Variants in LRRC7 observed in about 807,000 individuals in gnomAD.
LRRC7 encodes the protein leucine-rich repeat-containing protein 7.
A neutral mutation model predicts 175.7 loss-of-function variants in LRRC7; 23 were observed. The ratio of observed to expected loss-of-function variants is 0.13; its 90% CI spans 0.09 to 0.19. LRRC7 has a LOEUF of 0.19. Ranked by LOEUF, LRRC7 falls within the 10% of genes least tolerant of loss-of-function variation. LRRC7 has a pLI of 1.00. For synonymous variants in LRRC7, 685 were observed against 680.9 expected (o/e 1.01, Z -0.09); for missense variants, 1,354 against 1,904.7 (o/e 0.71, Z 5.38).
At chr1:69,723,018 T>A (rs935607806) in intron 2 of LRRC7, among the ~76,000 whole-genome samples, 3 of 152,136 alleles carry the variant, frequency 2.0e-5, no homozygotes, top group Admixed American at 2.0e-4. Context: ...CCATCATTTT[T>A]AAAGGTATAT....
chr1:69,774,573 T>C (rs1470089521), intron 3 of LRRC7, among the ~76,000 whole-genome samples: 1 of 152,230 alleles, frequency 6.6e-6, no homozygotes, highest in Non-Finnish European at 1.5e-5. Flanking sequence ...GTGATTTATA[T>C]GTTAATTTGC....
intron 26 of LRRC7, among the ~76,000 whole-genome samples, chr1:70,109,022 G>T (rs74585857): frequency 1.7e-5 from 2 of 116,338 alleles, no homozygotes; most frequent in East Asian, 2.6e-4. Context: ...TTTTGTTTTT[G>T]TTTTTGTTTT....
chr1:69,996,230 G>A (rs993499505), intron 11 of LRRC7, among the ~76,000 whole-genome samples: 25 of 151,946 alleles, frequency 1.6e-4, no homozygotes, highest in African/African-American at 2.2e-4. Context: ...CATGTCCTTC[G>A]CCCACTTTTT....
intron 1 of LRRC7, among the ~76,000 whole-genome samples, chr1:69,657,183 C>A (rs1656726189): frequency 6.6e-6 from 1 of 151,600 alleles, no homozygotes; most frequent in Non-Finnish European, 1.5e-5. Context: ...TTCTCACCAG[C>A]ATTTCTATGT....
chr1:70,116,970 T>G (rs1405694098), intron 26 of LRRC7, among the ~76,000 whole-genome samples: 1 of 152,206 alleles, frequency 6.6e-6, no homozygotes, highest in Admixed American at 6.5e-5. Context: ...AGGCACTAAT[T>G]TGGTCACTGC....
Position 70,016,090 on chromosome 1 carries a change from G to A in LRRC7, c.1251-375G>A, listed in dbSNP as rs114912021. ...ATTTAAGCTAAGAGTGAATAGATAC[G>A]TGGGATTCAGTAAAGTGAAGTAAGG... On this transcript the variant is annotated intron_variant, in intron 13 of 26. Coordinates refer to ENST00000651989, the MANE Select transcript of LRRC7 (RefSeq NM_001370785.2). 6.5e-3 allele frequency among the ~76,000 whole-genome samples: 993 copies of A among 152,226 alleles called. 9 individuals are homozygous for A. The highest frequency in any genetic ancestry group is 0.022 in the African/African-American group (914 of 41,552).
At chr1:69,726,421 C>T (rs1666982202) in intron 2 of LRRC7, among the ~76,000 whole-genome samples, 1 of 152,016 alleles carries the variant, frequency 6.6e-6, no homozygotes, top group South Asian at 2.1e-4. Flanking sequence ...GGAACAATGA[C>T]AATAGTTGTA....
At chr1:69,984,445 C>G (rs1653744581) in intron 9 of LRRC7, among the ~76,000 whole-genome samples, 1 of 152,110 alleles carries the variant, frequency 6.6e-6, no homozygotes, top group South Asian at 2.1e-4. Context: ...AAAGTATGCA[C>G]AGGTAGACCA....
At chr1:69,796,210 C>T (rs756596483) in intron 4 of LRRC7, among the ~76,000 whole-genome samples, 11 of 144,482 alleles carry the variant, frequency 7.6e-5, no homozygotes, top group Non-Finnish European at 1.5e-4. Context: ...TGAGTGAGAA[C>T]ATGTAGTGTT....
chr1:69,958,070 A>G (rs1650682793), intron 8 of LRRC7, among the ~76,000 whole-genome samples: 2 of 151,992 alleles, frequency 1.3e-5, no homozygotes, highest in African/African-American at 2.4e-5. Context: ...TATGTTAATG[A>G]ACACCTATAT....
chr1:69,940,566 G>A (rs2101797593), intron 8 of LRRC7, among the ~76,000 whole-genome samples: 2 of 152,132 alleles, frequency 1.3e-5, no homozygotes, highest in South Asian at 4.1e-4. Context: ...TGGAACCAGA[G>A]TAAAGCATAT....
At chr1:69,641,212 A>AT (rs1654154274) in intron 1 of LRRC7, among the ~76,000 whole-genome samples, 1 of 151,782 alleles carries the variant, frequency 6.6e-6, no homozygotes, top group Non-Finnish European at 1.5e-5. Context: ...CAATGCATAT[A>AT]TTTATTCCAC....
chr1:70,108,105 T>TTA (rs1007414688), intron 26 of LRRC7, among the ~76,000 whole-genome samples: 79 of 148,884 alleles, frequency 5.3e-4, no homozygotes, highest in South Asian at 5.2e-3. Flanking sequence ...AATATATATA[T>TTA]TATATATATA....
chr1:69,664,647 C>T (rs1433509930), intron 1 of LRRC7, among the ~76,000 whole-genome samples: 2 of 152,066 alleles, frequency 1.3e-5, no homozygotes, highest in South Asian at 4.1e-4. Context: ...CATTTTTAAT[C>T]GGATTATTAG....
Position 69,911,191 on chromosome 1 carries a change from T to C in LRRC7, c.648-20316T>C, listed in dbSNP as rs149802413. 8.1e-3 allele frequency among the ~76,000 whole-genome samples: 1,239 copies of C among 152,254 alleles called. 15 individuals carry two copies. Among genetic ancestry groups the C allele is most frequent in the African/African-American group, 0.027 (1,133 of 41,508 alleles). On this transcript the variant is annotated intron_variant, in intron 7 of 26. Coordinates refer to ENST00000651989, the MANE Select transcript of LRRC7 (RefSeq NM_001370785.2). ...TTGCCCTGCTTCGGCTCGCGCACGGTGCACTGCACCCACTGTCCTGTGCCC... is the reference window on the plus strand; with the variant it reads ...TTGCCCTGCTTCGGCTCGCGCACGGCGCACTGCACCCACTGTCCTGTGCCC...
chr1:70,118,463 T>C (rs61784313), intron 26 of LRRC7, among the ~76,000 whole-genome samples: 19,422 of 152,132 alleles, frequency 0.13, 1,705 homozygotes, highest in African/African-American at 0.24. Flanking sequence ...ATGGGAATCA[T>C]AGTTTGGCAA....
intron 10 of LRRC7, among the ~76,000 whole-genome samples, chr1:69,989,525 T>C (rs1410251): frequency 0.047 from 7,082 of 152,112 alleles, 172 homozygotes; most frequent in South Asian, 0.1. Context: ...AATTTGTAAG[T>C]TGGAAGACAG....
intron 1 of LRRC7, among the ~76,000 whole-genome samples, chr1:69,674,580 G>C (rs1557582936): frequency 6.6e-6 from 1 of 151,964 alleles, no homozygotes; most frequent in Non-Finnish European, 1.5e-5. Flanking sequence ...TACAAAACCT[G>C]GAATTTTCTA....
chr1:69,909,434 C>T (rs1004152587), intron 7 of LRRC7, among the ~76,000 whole-genome samples: 22 of 152,074 alleles, frequency 1.4e-4, no homozygotes, highest in Non-Finnish European at 2.9e-4. Context: ...ATGTTTAGTG[C>T]TTCCTTCAGG....
Sources: gnomAD v4.1 joint callset for allele counts (sites outside exome capture counted in the v4.1 genomes callset) on GRCh38, gnomAD v4.1.1 for gene constraint, MANE v1.5 for transcripts, NCBI Gene and HGNC (gene_info 2026-07-23, HGNC 2026-07-21) for gene names.